Variants in SLC27A2 observed in about 807,000 individuals in gnomAD.
SLC27A2 encodes solute carrier family 27 member 2, also known as long-chain fatty acid transport protein 2.
SLC27A2 carries 54 observed loss-of-function variants against 60.0 expected under a neutral mutation model. That is an observed-to-expected ratio of 0.90 (90% confidence interval 0.72 to 1.13). SLC27A2 has a LOEUF of 1.13. Ranked by LOEUF, SLC27A2 falls within the 50% of genes most tolerant of loss-of-function variation. SLC27A2 has a pLI of 0.00. For missense variants in SLC27A2, 739 were observed against 777.6 expected (o/e 0.95, Z 0.59); for synonymous variants, 297 against 297.6 (o/e 1.00, Z 0.02).
chr15:50,207,626 C>A (rs1490151803), intron 4 of SLC27A2, among the ~76,000 whole-genome samples: 1 of 151,820 alleles, frequency 6.6e-6, no homozygotes, highest in Non-Finnish European at 1.5e-5. Context: ...CCAGTCTCTA[C>A]TAAAAATACA....
intron 4 of SLC27A2, among the ~76,000 whole-genome samples, chr15:50,213,697 G>T (rs2045174244): frequency 6.6e-6 from 1 of 152,110 alleles, no homozygotes; most frequent in Non-Finnish European, 1.5e-5. Context: ...TAAATAACCT[G>T]CTCCTGAATG....
At chr15:50,215,420 A>T (rs147632882) in intron 4 of SLC27A2, among the ~76,000 whole-genome samples, 27 of 152,260 alleles carry the variant, frequency 1.8e-4, no homozygotes, top group African/African-American at 6.5e-4. Context: ...ATGCAATCCC[A>T]TCAAAATACC....
At chr15:50,198,076 G>A (rs1166407390) in intron 2 of SLC27A2, among the ~76,000 whole-genome samples, 2 of 151,942 alleles carry the variant, frequency 1.3e-5, no homozygotes, top group Non-Finnish European at 2.9e-5. Context: ...GATTATAAAT[G>A]GAACACAGGA....
At chr15:50,193,618 T>C (rs1342000461) in intron 1 of SLC27A2, among the ~76,000 whole-genome samples, 1 of 152,228 alleles carries the variant, frequency 6.6e-6, no homozygotes, top group Non-Finnish European at 1.5e-5. Flanking sequence ...AAGGCATACT[T>C]GTATCTCAGA....
intron 1 of SLC27A2, among the ~76,000 whole-genome samples, chr15:50,195,219 C>A (rs2140898197): frequency 6.6e-6 from 1 of 151,580 alleles, no homozygotes; most frequent in Non-Finnish European, 1.5e-5. Flanking sequence ...GTAATCCCAG[C>A]ACTTTGGGAG....
Position 50,189,478 on chromosome 15 carries a change from A to G in SLC27A2, c.478+6573A>G, listed in dbSNP as rs1322425918. 2.6e-5 allele frequency among the ~76,000 whole-genome samples: 4 copies of G among 152,228 alleles called. No individual in the cohort carries two copies. In the South Asian group the frequency reaches 6.2e-4, roughly 24 times the overall value. On this transcript the variant is annotated intron_variant, in intron 1 of 9. Coordinates refer to ENST00000267842, the MANE Select transcript of SLC27A2 (RefSeq NM_003645.4). ...ATCCAAGGGCTGGGATTCCCAGCCT[A>G]GTAGCCCAAGGAAAGATAGCTTAAA...
chr15:50,197,475 T>C (rs755464864), intron 1 of SLC27A2, 25 bp from the exon 2 acceptor site: 1 of 1,563,016 alleles, frequency 6.4e-7, no homozygotes. Flanking sequence ...TTAGTTTGTT[T>C]TGATATTTTT....
chr15:50,233,726 ATCT>A, intron 8 of SLC27A2, 139 bp from the exon 9 acceptor site: 1 of 675,900 alleles, frequency 1.5e-6, no homozygotes, highest in Non-Finnish European at 2.4e-6. Flanking sequence ...ACTTTACAGT[ATCT>A]TCATGTATTT....
chr15:50,203,009 T>G (rs537430644), intron 3 of SLC27A2, among the ~76,000 whole-genome samples: 1 of 87,402 alleles, frequency 1.1e-5, no homozygotes. Flanking sequence ...GCAAACCTCA[T>G]CTCTAAAAAA....
chr15:50,200,870 T>G (rs1054499628), intron 2 of SLC27A2, among the ~76,000 whole-genome samples: 2 of 152,192 alleles, frequency 1.3e-5, no homozygotes, highest in Non-Finnish European at 2.9e-5. Flanking sequence ...GGCCCCAACA[T>G]TTAAGAGCAC....
intron 1 of SLC27A2, among the ~76,000 whole-genome samples, chr15:50,187,191 G>C (rs1364198393): frequency 1.3e-5 from 2 of 152,186 alleles, no homozygotes; most frequent in Admixed American, 6.5e-5. Flanking sequence ...CAGCAGCACT[G>C]TTTCCCAGAG....
chr15:50,233,885 G>A lies in SLC27A2; in HGVS notation c.1573G>A (p.Gly525Ser). Reference sequence around the variant, plus strand: ...ATTTCTAGATCATGAGGGTCGCATTGGCATGGCCTCCATCAAAATGAAAGA... The same window carrying A: ...ATTTCTAGATCATGAGGGTCGCATTAGCATGGCCTCCATCAAAATGAAAGA... ...VHVPDHEGRI[G>S]MASIKMKENH... The change falls in exon 9 of 10, where the codon GGC (glycine) becomes AGC (serine). Residue 525 changes from glycine to serine, a missense_variant. Gly to Ser is a moderately conservative substitution (Grantham distance 56). Transcript: ENST00000267842. 1 of 1,613,428 alleles carries A rather than the reference G, an allele frequency of 6.2e-7. No homozygotes were observed. The highest frequency in any genetic ancestry group is 8.5e-7 in the Non-Finnish European group (1 of 1,179,654).
At position 50,233,782 on chromosome 15, in the gene SLC27A2, A is replaced by G. The variant is rs576669249; in HGVS notation, c.1556-86A>G. ...TATCCAAATGAAACCCATGCTATAAATGTTGTCTGAGCCCACAGTTCTTTG... is the reference window on the plus strand; with the variant it reads ...TATCCAAATGAAACCCATGCTATAAGTGTTGTCTGAGCCCACAGTTCTTTG... On this transcript the variant is annotated intron_variant, in intron 8 of 9. Transcript: ENST00000267842. 4.1e-5 allele frequency: 51 copies of G among 1,229,924 alleles called. No individual in the cohort carries two copies. The African/African-American group carries it at 7.1e-4, about 17-fold the overall frequency. The allele number at this position is 1,229,924 out of a possible 1,614,324, so 76.2% of individuals were successfully genotyped here.
At chr15:50,183,288 A>T (rs1481821625) in intron 1 of SLC27A2, among the ~76,000 whole-genome samples, 1 of 152,172 alleles carries the variant, frequency 6.6e-6, no homozygotes, top group Non-Finnish European at 1.5e-5. Context: ...AATGCAGAGG[A>T]TCTTGAGTGC....
intron 4 of SLC27A2, among the ~76,000 whole-genome samples, chr15:50,210,027 G>A (rs554814161): frequency 6.6e-6 from 1 of 152,340 alleles, no homozygotes; most frequent in South Asian, 2.1e-4. Flanking sequence ...CCTGAAGGCT[G>A]AGAAATTGCA....
intron 1 of SLC27A2, among the ~76,000 whole-genome samples, chr15:50,191,281 A>C (rs1015611462): frequency 6.6e-6 from 1 of 152,242 alleles, no homozygotes. Flanking sequence ...TGTGCCACCC[A>C]GATCCCTGCT....
In SLC27A2 at chr15:50,236,074, G is replaced by A. The variant is rs1166992854; in HGVS notation, c.1841G>A (p.Ser614Asn). Residue 614 changes from serine (S) to asparagine (N), a missense_variant, in exon 10 of 10, where the codon AGT becomes AAT. Physicochemically the swap from Ser to Asn is conservative, Grantham distance 46. Coordinates refer to ENST00000267842, the MANE Select transcript of SLC27A2 (RefSeq NM_003645.4). Reference protein sequence around the residue: ...PMTEDIYNAISAKTLKL With the variant: ...PMTEDIYNAINAKTLKL ...ACTGAGGACATCTATAATGCCATAA[G>A]TGCTAAAACCCTGAAACTCTGAATA... 1.1e-5 allele frequency: 18 copies of A among 1,604,400 alleles called. No homozygotes were observed. The highest frequency in any genetic ancestry group is 1.4e-5 in the Non-Finnish European group (16 of 1,174,408).
intron 4 of SLC27A2, among the ~76,000 whole-genome samples, chr15:50,221,195 G>GA (rs375966451): frequency 8.9e-5 from 13 of 146,810 alleles, no homozygotes; most frequent in African/African-American, 1.7e-4. Flanking sequence ...ACCCTGTCTC[G>GA]AAAAAAAAAA....
chr15:50,186,909 C>T (rs905484194), intron 1 of SLC27A2, among the ~76,000 whole-genome samples: 1 of 152,168 alleles, frequency 6.6e-6, no homozygotes, highest in South Asian at 2.1e-4. Flanking sequence ...ACATAAATGT[C>T]AGTTTGATTC....
Sources: gnomAD v4.1 joint callset for allele counts (sites outside exome capture counted in the v4.1 genomes callset) on GRCh38, gnomAD v4.1.1 for gene constraint, MANE v1.5 for transcripts, NCBI Gene and HGNC (gene_info 2026-07-23, HGNC 2026-07-21) for gene names.